SAPCD2: variants seen among roughly 807,000 people sequenced by gnomAD.
SAPCD2 encodes the protein suppressor APC domain-containing protein 2.
In SAPCD2, 34 loss-of-function variants were observed where a neutral mutation model predicts 37.8. That is an observed-to-expected ratio of 0.90 (90% CI 0.68 to 1.20). The LOEUF (loss-of-function observed/expected upper bound fraction) is 1.20, where lower values mean the gene tolerates loss of function less well. Among genes scored for constraint, SAPCD2 ranks in the 50% most tolerant of loss-of-function variants. The pLI, the probability that SAPCD2 is intolerant of heterozygous loss-of-function variation, is 0.00. For synonymous variants in SAPCD2, 275 were observed against 270.3 expected, an observed-to-expected ratio of 1.02 and a Z score of -0.17; for missense variants, 572 against 584.7, an observed-to-expected ratio of 0.98 and a Z score of 0.22.
At chr9:137,066,764 C>T (rs1175258686) in intron 1 of SAPCD2, among the ~76,000 whole-genome samples, 2 of 152,162 alleles carry the variant, frequency 1.3e-5, no homozygotes, top group Non-Finnish European at 2.9e-5. Context: ...GTCCTGACTA[C>T]GCCTCTCCCA....
chr9:137,067,252 G>A (rs1832558782), intron 1 of SAPCD2, among the ~76,000 whole-genome samples: 2 of 151,524 alleles, frequency 1.3e-5, no homozygotes, highest in African/African-American at 4.8e-5. Context: ...GCCTCCCAAA[G>A]TGCTGGAATT....
chr9:137,070,478 C>A lies in SAPCD2; in HGVS notation c.-18G>T. On this transcript the variant is annotated 5_prime_UTR_variant, in exon 1 of 6. Transcript: ENST00000409687. Reference sequence around the variant, plus strand: ...CCGGCCATGGGCGCCCGGGATCGGTCCCCTCGTCCACCCGCGTGCGTCCCA... The same window carrying A: ...CCGGCCATGGGCGCCCGGGATCGGTACCCTCGTCCACCCGCGTGCGTCCCA... 1 of 1,212,424 alleles carries A rather than the reference C, an allele frequency of 8.2e-7. No individual in the cohort carries two copies. Among genetic ancestry groups the A allele is most frequent in the South Asian group, 3.9e-5 (1 of 25,760 alleles). 75.1% of individuals were successfully genotyped at this position (1,212,424 alleles called of 1,614,324 possible). A position where few individuals can be genotyped will look rare whatever the true frequency, so the allele number is the denominator to read the frequency against.
Position 137,064,500 on chromosome 9 carries a change from G to T in SAPCD2, c.*159C>A. ...CGGGGACCAGCCGGGGGCAGGCCTG[G>T]GGAGCCCATCTGGCAAGGGCGGCAG... On this transcript the variant is annotated 3_prime_UTR_variant, in exon 6 of 6. Coordinates refer to ENST00000409687, the MANE Select transcript of SAPCD2 (RefSeq NM_178448.4). 1 of 805,022 alleles carries T rather than the reference G, an allele frequency of 1.2e-6. No individual in the cohort carries two copies. Among genetic ancestry groups the T allele is most frequent in the Non-Finnish European group, 1.9e-6 (1 of 517,214 alleles). The allele number at this position is 805,022 out of a possible 1,614,324, so 49.9% of individuals were successfully genotyped here. A position where few individuals can be genotyped will look rare whatever the true frequency, so the allele number is the denominator to read the frequency against.
rs1049786931 is a variant in SAPCD2 at position 137,066,491 on chromosome 9, A to C, written c.572-117T>G. The C allele has an allele frequency of 5.7e-6, 4 of 706,494 alleles. No homozygotes were observed. In the East Asian group the frequency reaches 1.1e-4, roughly 20 times the overall value. 43.8% of individuals were successfully genotyped at this position (706,494 alleles called of 1,614,324 possible). The stretch of plus-strand genomic sequence containing the variant: ...TCGAGGTCTCGGGCACCAGCCTGGC[A>C]TGGCCCACGTGTAGCCTCTGTGCCA... On this transcript the variant is annotated intron_variant, in intron 1 of 5. Transcript: ENST00000409687.
rs45536438 is a variant in SAPCD2, at chr9:137,063,953, G to A, written c.*706C>T. 7.5e-3 allele frequency: 1,149 copies of A among 153,732 alleles called. 5 individuals carry two copies. Among genetic ancestry groups the A allele is most frequent in the Middle Eastern group, 0.023 (7 of 298 alleles). The allele number at this position is 153,732 out of a possible 1,614,324, so 9.5% of individuals were successfully genotyped here. A position where few individuals can be genotyped will look rare whatever the true frequency, so the allele number is the denominator to read the frequency against. On this transcript the variant is annotated 3_prime_UTR_variant, in exon 6 of 6. Coordinates refer to ENST00000409687, the MANE Select transcript of SAPCD2 (RefSeq NM_178448.4). ...CAGGATGTTGTGTGGGACTCAACGT[G>A]GGGCAACGTCCCGGCCAAGAGGGGG... is the stretch of plus-strand genomic sequence containing the variant.
At position 137,064,288 on chromosome 9, in the gene SAPCD2, C is replaced by T; in HGVS notation, c.*371G>A. The T allele has an allele frequency of 6.5e-6, 2 of 307,474 alleles. No homozygotes were observed. The highest frequency in any genetic ancestry group is 1.2e-5 in the Non-Finnish European group (2 of 160,544). 19.0% of individuals were successfully genotyped at this position (307,474 alleles called of 1,614,324 possible). ...GCCCGTTGTTGGAAGTGCAGCCTGG[C>T]GTGGGCAGTGCCTTTCCCTGAAGAT... is the stretch of plus-strand genomic sequence containing the variant. On this transcript the variant is annotated 3_prime_UTR_variant, in exon 6 of 6. Transcript: ENST00000409687.
Position 137,070,334 on chromosome 9 carries a change from G to T in SAPCD2, c.127C>A (p.Arg43=). 6.8e-7 allele frequency: 1 copy of T among 1,474,146 alleles called. No individual in the cohort carries two copies. Among genetic ancestry groups the T allele is most frequent in the Non-Finnish European group, 9.0e-7 (1 of 1,115,078 alleles). 91.3% of individuals were successfully genotyped at this position (1,474,146 alleles called of 1,614,324 possible). The change falls in exon 1 of 6, where the codon CGG becomes AGG. Residue 43 remains arginine, a synonymous_variant. Transcript: ENST00000409687. ...RTLFDILDDR[R]RGCVHLREIE... The stretch of plus-strand genomic sequence containing the variant: ...TCGCGCAGGTGCACGCAGCCGCGCC[G>T]CCGGTCGTCCAGGATGTCGAACAGG...
In SAPCD2 at chr9:137,070,448, C is replaced by T. The variant is rs1832610632; in HGVS notation, c.13G>A (p.Ala5Thr). 5 of 1,238,566 alleles carry T rather than the reference C, an allele frequency of 4.0e-6. No homozygotes were observed. The Admixed American group carries it at 1.3e-4, about 32-fold the overall frequency. The allele number at this position is 1,238,566 out of a possible 1,614,324, so 76.7% of individuals were successfully genotyped here. A position where few individuals can be genotyped will look rare whatever the true frequency, so the allele number is the denominator to read the frequency against. ...GGCACGCGGCCCCGCTCGGCCATGGCGGCCCCGGCCATGGGCGCCCGGGAT... is the reference window on the plus strand; with the variant it reads ...GGCACGCGGCCCCGCTCGGCCATGGTGGCCCCGGCCATGGGCGCCCGGGAT... MAGA[A>T]MAERGRVPPP... Residue 5 changes from alanine to threonine, a missense_variant, in exon 1 of 6, where the codon GCC becomes ACC. Ala to Thr is a moderately conservative substitution (Grantham distance 58). Coordinates refer to ENST00000409687, the MANE Select transcript of SAPCD2 (RefSeq NM_178448.4).
Position 137,065,193 on chromosome 9 carries a change from G to A in SAPCD2, c.832-8C>T. On this transcript the variant is annotated splice_polypyrimidine_tract_variant and splice_region_variant and intron_variant, in intron 3 of 5. Transcript: ENST00000409687. The stretch of plus-strand genomic sequence containing the variant: ...CCCTGCAGCCCCAAAGTCCTGGGAA[G>A]AAAGCAGAGGACAAGCGGTCAGAGA... The A allele has an allele frequency of 6.9e-7, 1 of 1,445,530 alleles. No homozygotes were observed. The highest frequency in any genetic ancestry group is 9.1e-7 in the Non-Finnish European group (1 of 1,099,144). The allele number at this position is 1,445,530 out of a possible 1,614,324, so 89.5% of individuals were successfully genotyped here.
In SAPCD2 at chr9:137,070,393, C is replaced by T. The variant is rs754242612; in HGVS notation, c.68G>A (p.Gly23Glu). Reference sequence around the variant, plus strand: ...GCTCTGCAGGAAGGCGCGCGGCAGCCCCTCCGTGCTGGGCGCGGGTGCGGG... The same window carrying T: ...GCTCTGCAGGAAGGCGCGCGGCAGCTCCTCCGTGCTGGGCGCGGGTGCGGG... ...PPPAPAPSTE[G>E]LPRAFLQSLR... Residue 23 changes from glycine to glutamate, a missense_variant, in exon 1 of 6, where the codon GGG becomes GAG. Gly to Glu is a moderately conservative substitution (Grantham distance 98). Transcript: ENST00000409687. 4 of 1,374,130 alleles carry T rather than the reference C, an allele frequency of 2.9e-6. No individual in the cohort carries two copies. Among genetic ancestry groups the T allele is most frequent in the East Asian group, 6.3e-5 (2 of 31,722 alleles). The allele number at this position is 1,374,130 out of a possible 1,614,324, so 85.1% of individuals were successfully genotyped here.
At position 137,067,844 on chromosome 9, in the gene SAPCD2, A is replaced by G. The variant is rs148828030; in HGVS notation, c.572-1470T>C. On this transcript the variant is annotated intron_variant, in intron 1 of 5. Coordinates refer to ENST00000409687, the MANE Select transcript of SAPCD2 (RefSeq NM_178448.4). ...ACGCCAGGCGGTGCACCCAACTGAC[A>G]AGTCAGGCACGTCCTGGTGCTCACA... is the stretch of plus-strand genomic sequence containing the variant. 5.9e-3 allele frequency among the ~76,000 whole-genome samples: 892 copies of G among 150,698 alleles called. 8 individuals are homozygous for G. Among genetic ancestry groups the G allele is most frequent in the African/African-American group, 0.021 (853 of 41,004 alleles).
At position 137,066,247 on chromosome 9, in the gene SAPCD2, C is replaced by A; in HGVS notation, c.684+15G>T. ...GCAAGATGGAGAGCCCCACAGAGCC[C>A]CAGTCCCTGCTCACCAGGCCGCAGT... On this transcript the variant is annotated intron_variant, in intron 2 of 5. Coordinates refer to ENST00000409687, the MANE Select transcript of SAPCD2 (RefSeq NM_178448.4). 6.3e-7 allele frequency: 1 copy of A among 1,584,090 alleles called. No individual in the cohort carries two copies. The highest frequency in any genetic ancestry group is 1.1e-5 in the South Asian group (1 of 87,548).
At chr9:137,065,489 G>A in intron 3 of SAPCD2, 33 bp downstream of exon 3, 1 of 1,562,110 alleles carries the variant, frequency 6.4e-7, no homozygotes, top group African/African-American at 1.4e-5. Context: ...GTCCCCATGT[G>A]TGGGGATCTG....
chr9:137,064,595 G>A lies in SAPCD2; in HGVS notation c.*64C>T. 1 of 1,534,558 alleles carries A rather than the reference G, an allele frequency of 6.5e-7. No homozygotes were observed. Among genetic ancestry groups the A allele is most frequent in the Non-Finnish European group, 8.8e-7 (1 of 1,133,310 alleles). On this transcript the variant is annotated 3_prime_UTR_variant, in exon 6 of 6. Transcript: ENST00000409687. Reference sequence around the variant, plus strand: ...CCAGCCAGAGAGGGTGGGTGCGATGGGGCGCCCACCCTCGAAGGGCTGAGT... The same window carrying A: ...CCAGCCAGAGAGGGTGGGTGCGATGAGGCGCCCACCCTCGAAGGGCTGAGT...
Position 137,064,581 on chromosome 9 carries a change from G to C in SAPCD2, c.*78C>G. ...CCTGCCGGGGGTCTCCAGCCAGAGA[G>C]GGTGGGTGCGATGGGGCGCCCACCC... On this transcript the variant is annotated 3_prime_UTR_variant, in exon 6 of 6. Coordinates refer to ENST00000409687, the MANE Select transcript of SAPCD2 (RefSeq NM_178448.4). 1.3e-6 allele frequency: 2 copies of C among 1,504,482 alleles called. No individual in the cohort carries two copies. The highest frequency in any genetic ancestry group is 2.8e-5 in the African/African-American group (2 of 72,128). The allele number at this position is 1,504,482 out of a possible 1,614,324, so 93.2% of individuals were successfully genotyped here. A position where few individuals can be genotyped will look rare whatever the true frequency, so the allele number is the denominator to read the frequency against.
chr9:137,062,662 C>T lies in SAPCD2; in HGVS notation c.*1997G>A, dbSNP rs534958117. The T allele has an allele frequency of 4.6e-5, 7 of 152,402 alleles. No homozygotes were observed. The highest frequency in any genetic ancestry group is 1.4e-4 in the African/African-American group (6 of 41,582). 9.4% of individuals were successfully genotyped at this position (152,402 alleles called of 1,614,324 possible). ...CATCCTGCACGGAGACTGACCCGCC[C>T]AGCGTCCTAGGGCAGGCTCCAGGCA... is the stretch of plus-strand genomic sequence containing the variant. On this transcript the variant is annotated 3_prime_UTR_variant, in exon 6 of 6. Coordinates refer to ENST00000409687, the MANE Select transcript of SAPCD2 (RefSeq NM_178448.4).
chr9:137,066,936 C>T (rs535039907), intron 1 of SAPCD2, among the ~76,000 whole-genome samples: 13 of 152,150 alleles, frequency 8.5e-5, no homozygotes, highest in African/African-American at 2.2e-4. Flanking sequence ...GCGGGTGGAT[C>T]GCTTGAGCTC....
In SAPCD2 at chr9:137,070,467, C is replaced by T. The variant is rs562332155; in HGVS notation, c.-7G>A. The T allele has an allele frequency of 1.3e-3, 1,545 of 1,223,990 alleles. 13 individuals are homozygous for T. Among genetic ancestry groups the T allele is most frequent in the East Asian group, 9.4e-3 (278 of 29,638 alleles). The allele number at this position is 1,223,990 out of a possible 1,614,324, so 75.8% of individuals were successfully genotyped here. A position where few individuals can be genotyped will look rare whatever the true frequency, so the allele number is the denominator to read the frequency against. On this transcript the variant is annotated 5_prime_UTR_variant, in exon 1 of 6. Coordinates refer to ENST00000409687, the MANE Select transcript of SAPCD2 (RefSeq NM_178448.4). ...CCATGGCGGCCCCGGCCATGGGCGC[C>T]CGGGATCGGTCCCCTCGTCCACCCG...
intron 1 of SAPCD2, among the ~76,000 whole-genome samples, chr9:137,069,633 C>CCG (rs901635865): frequency 3.9e-5 from 6 of 152,218 alleles, no homozygotes; most frequent in Non-Finnish European, 7.3e-5. Flanking sequence ...TGCCACCCCC[C>CCG]GGCCCTGGTG....
Sources: allele counts gnomAD v4.1 joint callset (sites outside exome capture counted in the v4.1 genomes callset), GRCh38; gene constraint gnomAD v4.1.1; transcripts MANE v1.5; gene names NCBI Gene and HGNC (gene_info 2026-07-23, HGNC 2026-07-21).